SLCO2A1: variants seen among roughly 807,000 people sequenced by gnomAD.
The protein encoded by SLCO2A1 is solute carrier organic anion transporter family member 2A1.
SLCO2A1 carries 60 observed loss-of-function variants against 71.7 expected under a neutral mutation model. The observed-to-expected ratio is 0.84, with a 90% confidence interval of 0.68 to 1.04. The LOEUF is 1.04. SLCO2A1 is among the 50% of genes least tolerant of loss of function. The probability of loss-of-function intolerance (pLI) is 0.00; values close to 1 mark genes in which losing one functional copy is unlikely to be tolerated. For missense variants in SLCO2A1, 745 were observed against 813.4 expected, an observed-to-expected ratio of 0.92 and a Z score of 1.02; for synonymous variants, 308 against 326.7, an observed-to-expected ratio of 0.94 and a Z score of 0.62.
chr3:134,004,092 TCGTGTGTGTGTGTGTGTG>T (rs1483951206), intron 1 of SLCO2A1, among the ~76,000 whole-genome samples: 3 of 126,796 alleles, frequency 2.4e-5, no homozygotes, highest in Non-Finnish European at 4.9e-5. Flanking sequence ...ATGAATCTCT[TCGTGTGTGTGTGTGTGTG>T]TGTGTGTGTG....
chr3:133,951,658 G>A (rs2108043876), intron 5 of SLCO2A1, among the ~76,000 whole-genome samples: 1 of 152,302 alleles, frequency 6.6e-6, no homozygotes, highest in East Asian at 1.9e-4. Flanking sequence ...TCACTCACAA[G>A]GGCACACCAT....
intron 9 of SLCO2A1, 133 bp from the exon 10 acceptor site, chr3:133,945,393 C>G: frequency 1.2e-6 from 1 of 865,824 alleles, no homozygotes; most frequent in Non-Finnish European, 1.8e-6. Flanking sequence ...CAGTGCCACC[C>G]TGGGATCTGA....
At chr3:133,952,853 T>C (rs1933781125) in intron 5 of SLCO2A1, among the ~76,000 whole-genome samples, 1 of 152,188 alleles carries the variant, frequency 6.6e-6, no homozygotes, top group African/African-American at 2.4e-5. Flanking sequence ...TAGTAAGAGA[T>C]GGAGCCAGGA....
rs545281102 is a variant in SLCO2A1, at chr3:133,958,966, C to T, written c.398-3773G>A. Among the ~76,000 whole-genome samples, 28 of 152,240 alleles carry T rather than the reference C, an allele frequency of 1.8e-4. No homozygotes were observed. In the South Asian group the frequency reaches 3.5e-3, roughly 19 times the overall value. On this transcript the variant is annotated intron_variant, in intron 3 of 13. Coordinates refer to ENST00000310926, the MANE Select transcript of SLCO2A1 (RefSeq NM_005630.3). ...AGGCCGTGGGGTGGCAGGACCAAGTCTAAGTTATGTGGGAGCACGGTTTAA... is the reference window on the plus strand; with the variant it reads ...AGGCCGTGGGGTGGCAGGACCAAGTTTAAGTTATGTGGGAGCACGGTTTAA...
intron 1 of SLCO2A1, among the ~76,000 whole-genome samples, chr3:133,995,025 A>C (rs1383269801): frequency 6.6e-6 from 1 of 152,166 alleles, no homozygotes; most frequent in Non-Finnish European, 1.5e-5. Context: ...ATCTTTTAAA[A>C]ATGCATAAAT....
chr3:133,961,526 A>C (rs1934035525), intron 3 of SLCO2A1, among the ~76,000 whole-genome samples: 1 of 152,198 alleles, frequency 6.6e-6, no homozygotes, highest in Non-Finnish European at 1.5e-5. Flanking sequence ...TGACTTATTA[A>C]GTCTTCATAC....
chr3:133,945,222 C>A lies in SLCO2A1; in HGVS notation c.1334G>T (p.Arg445Leu). 6.2e-7 allele frequency: 1 copy of A among 1,613,392 alleles called. No homozygotes were observed. Residue 445 changes from arginine to leucine, a missense_variant, in exon 10 of 14, where the codon CGC becomes CTC. Physicochemically the swap from Arg to Leu is moderately radical, Grantham distance 102. Coordinates refer to ENST00000310926, the MANE Select transcript of SLCO2A1 (RefSeq NM_005630.3). ...SSIHPQSPAC[R>L]RDCSCPDSIF... ...AGAATCTGGGCACGAGCAGTCCCTG[C>A]GGCAGGCAGGAGACTGCGGATGTAT...
At chr3:133,987,137 C>G (rs1481731754) in intron 1 of SLCO2A1, among the ~76,000 whole-genome samples, 6 of 126,170 alleles carry the variant, frequency 4.8e-5, no homozygotes, top group South Asian at 3.7e-4. Context: ...CAAAGCCCCC[C>G]CCCCCGCCCC....
At chr3:133,940,235 T>C (rs1407375614) in intron 11 of SLCO2A1, among the ~76,000 whole-genome samples, 1 of 152,222 alleles carries the variant, frequency 6.6e-6, no homozygotes, top group Non-Finnish European at 1.5e-5. Flanking sequence ...CCCAAAGTGC[T>C]GGGATTACAG....
At chr3:133,973,597 C>T (rs944017742) in intron 3 of SLCO2A1, 66 bp downstream of exon 3, 24 of 1,550,646 alleles carry the variant, frequency 1.5e-5, no homozygotes, top group Middle Eastern at 2.2e-4. Flanking sequence ...TAGGAGTATC[C>T]CCACTAACTT....
chr3:134,029,898 G>C lies in SLCO2A1; in HGVS notation c.-96C>G. On this transcript the variant is annotated 5_prime_UTR_variant, in exon 1 of 14. Coordinates refer to ENST00000310926, the MANE Select transcript of SLCO2A1 (RefSeq NM_005630.3). Reference sequence around the variant, plus strand: ...GTGAGAGGCGACCGCGGCGGCAGTGGCCGGAGGAGATTCGCGGAGCGGAGA... The same window carrying C: ...GTGAGAGGCGACCGCGGCGGCAGTGCCCGGAGGAGATTCGCGGAGCGGAGA... The C allele has an allele frequency of 1.7e-6, 1 of 584,990 alleles. No homozygotes were observed. The highest frequency in any genetic ancestry group is 2.5e-6 in the Non-Finnish European group (1 of 398,792). 36.2% of individuals were successfully genotyped at this position (584,990 alleles called of 1,614,324 possible).
In SLCO2A1 at chr3:133,934,839, A is replaced by G; in HGVS notation, c.1815-9T>C. The G allele has an allele frequency of 6.2e-7, 1 of 1,603,234 alleles. No individual in the cohort carries two copies. Among genetic ancestry groups the G allele is most frequent in the Non-Finnish European group, 8.5e-7 (1 of 1,175,822 alleles). ...TCTGCAGGCCCAGGTACCTGTGGGC[A>G]GGAGGAGGCAGGACTGGTGAGGGAG... is the stretch of plus-strand genomic sequence containing the variant. On this transcript the variant is annotated splice_polypyrimidine_tract_variant and intron_variant, in intron 13 of 13. Coordinates refer to ENST00000310926, the MANE Select transcript of SLCO2A1 (RefSeq NM_005630.3).
At chr3:134,000,125 C>A (rs1294742991) in intron 1 of SLCO2A1, among the ~76,000 whole-genome samples, 1 of 152,140 alleles carries the variant, frequency 6.6e-6, no homozygotes, top group East Asian at 1.9e-4. Flanking sequence ...GAGTGCATAT[C>A]TGAGTCCAAG....
chr3:133,953,791 G>C (rs369388180), intron 4 of SLCO2A1, 30 bp from the exon 5 acceptor site: 46 of 1,568,684 alleles, frequency 2.9e-5, no homozygotes, highest in Middle Eastern at 3.3e-4. Context: ...GAAGGAGACT[G>C]AGATAAATGG....
At chr3:134,029,150 C>T (rs1400377463) in intron 1 of SLCO2A1, among the ~76,000 whole-genome samples, 2 of 152,060 alleles carry the variant, frequency 1.3e-5, no homozygotes, top group African/African-American at 4.8e-5. Context: ...GCGGCACAGC[C>T]AGGTAGCAGA....
chr3:133,982,916 C>T (rs1934627674), intron 1 of SLCO2A1, among the ~76,000 whole-genome samples: 1 of 152,170 alleles, frequency 6.6e-6, no homozygotes. Flanking sequence ...AGCCAAACAG[C>T]TGTGTTGGTT....
intron 3 of SLCO2A1, among the ~76,000 whole-genome samples, chr3:133,957,681 G>T (rs1459196485): frequency 6.6e-6 from 1 of 152,190 alleles, no homozygotes; most frequent in Non-Finnish European, 1.5e-5. Flanking sequence ...TCTCAGGAAA[G>T]GGGCTGGCTG....
rs149606360 is a variant in SLCO2A1 at position 134,029,867 on chromosome 3, G to C, written c.-65C>G. On this transcript the variant is annotated 5_prime_UTR_variant, in exon 1 of 14. Transcript: ENST00000310926. ...CGGGGCGCCTCGGGCTGGAGCGGCC[G>C]GGCGGGTGAGAGGCGACCGCGGCGG... The C allele has an allele frequency of 8.7e-3, 8,890 of 1,023,286 alleles. 281 individuals carry two copies. Among genetic ancestry groups the C allele is most frequent in the Admixed American group, 0.073 (1,687 of 22,956 alleles). The allele number at this position is 1,023,286 out of a possible 1,614,324, so 63.4% of individuals were successfully genotyped here.
intron 1 of SLCO2A1, among the ~76,000 whole-genome samples, chr3:134,012,734 A>G (rs549464221): frequency 1.3e-5 from 2 of 152,324 alleles, no homozygotes; most frequent in South Asian, 2.1e-4. Context: ...AAGCCCAGCA[A>G]CTGCCATCCT....
Sources: gnomAD v4.1 joint callset for allele counts (sites outside exome capture counted in the v4.1 genomes callset) on GRCh38, gnomAD v4.1.1 for gene constraint, MANE v1.5 for transcripts, NCBI Gene and HGNC (gene_info 2026-07-23, HGNC 2026-07-21) for gene names.